The following RFC3 variants were observed in gnomAD, a reference collection of about 807,000 sequenced individuals.
RFC3 encodes the protein A1 38 kDa subunit.
A neutral mutation model predicts 45.1 loss-of-function variants in RFC3; 41 were observed. That is an observed-to-expected ratio of 0.91 (90% CI 0.71 to 1.18). The LOEUF (loss-of-function observed/expected upper bound fraction) is 1.18, where lower values mean the gene tolerates loss of function less well. Ranked by LOEUF, RFC3 falls within the 50% of genes most tolerant of loss-of-function variation. The pLI is 0.00. For missense variants in RFC3, 423 were observed against 428.1 expected (o/e 0.99, Z 0.10); for synonymous variants, 149 against 144.0 (o/e 1.03, Z -0.25).
chr13:33,835,578 C>A, intron 8 of RFC3: 1 of 423,852 alleles, frequency 2.4e-6, no homozygotes, highest in South Asian at 1.9e-5. Context: ...ACAAAGGTAA[C>A]CACTTTTAAC....
intron 8 of RFC3, among the ~76,000 whole-genome samples, chr13:33,954,033 G>A (rs968346880): frequency 3.9e-5 from 6 of 152,146 alleles, no homozygotes; most frequent in African/African-American, 1.4e-4. Flanking sequence ...TTAAAGGAAT[G>A]TCAAGTATGG....
intron 8 of RFC3, among the ~76,000 whole-genome samples, chr13:33,842,990 CT>C (rs2082210580): frequency 6.6e-6 from 1 of 152,126 alleles, no homozygotes; most frequent in African/African-American, 2.4e-5. Context: ...CTGTTTTACA[CT>C]CTGAGATTTA....
At chr13:33,877,271 T>C (rs978793403) in intron 8 of RFC3, among the ~76,000 whole-genome samples, 3 of 152,248 alleles carry the variant, frequency 2.0e-5, no homozygotes, top group African/African-American at 7.2e-5. Flanking sequence ...TTATGCTGTA[T>C]TGACTGTTTC....
At chr13:33,899,142 C>G (rs556377037) in intron 8 of RFC3, among the ~76,000 whole-genome samples, 1 of 128,590 alleles carries the variant, frequency 7.8e-6, no homozygotes, top group African/African-American at 2.9e-5. Context: ...GGAGAAAATA[C>G]TTTAAACTCC....
At chr13:33,844,371 A>G (rs1303594568) in intron 8 of RFC3, among the ~76,000 whole-genome samples, 1 of 152,110 alleles carries the variant, frequency 6.6e-6, no homozygotes, top group East Asian at 1.9e-4. Context: ...CCAATTGTTG[A>G]TTACCTTCCA....
chr13:33,940,104 CCTTA>C lies in RFC3; in HGVS notation c.880-25979_880-25976del, dbSNP rs568083250. 1.6e-4 allele frequency among the ~76,000 whole-genome samples: 24 copies of C among 151,990 alleles called. No individual in the cohort carries two copies. The East Asian group carries it at 4.3e-3, about 27-fold the overall frequency. On this transcript the variant is annotated intron_variant, in intron 8 of 8. Transcript: ENST00000434425. ...CTAATTTATTGTTTTCTTCCTACTG[CCTTA>C]CTTTTTATTATGGGGGAGAGTTAAT...
intron 8 of RFC3, among the ~76,000 whole-genome samples, chr13:33,959,538 C>T (rs2083043078): frequency 7.9e-5 from 12 of 152,172 alleles, no homozygotes; most frequent in Admixed American, 7.9e-4. Flanking sequence ...TCAATCTCCT[C>T]ACTCCCAGTG....
chr13:33,911,834 C>T (rs534052136), intron 8 of RFC3, among the ~76,000 whole-genome samples: 1 of 152,122 alleles, frequency 6.6e-6, no homozygotes, highest in Non-Finnish European at 1.5e-5. Context: ...CCACTAGGAC[C>T]CACCTCCCAA....
chr13:33,874,885 C>T (rs936889931), intron 8 of RFC3, among the ~76,000 whole-genome samples: 1 of 152,194 alleles, frequency 6.6e-6, no homozygotes, highest in Non-Finnish European at 1.5e-5. Context: ...ATTTCTCCTG[C>T]TTTGTGTTAA....
At chr13:33,819,291 G>A (rs2081980203) in intron 1 of RFC3, among the ~76,000 whole-genome samples, 1 of 152,152 alleles carries the variant, frequency 6.6e-6, no homozygotes, top group Non-Finnish European at 1.5e-5. Flanking sequence ...TTGTGAGAAC[G>A]AACTGAATCT....
intron 8 of RFC3, among the ~76,000 whole-genome samples, chr13:33,885,085 A>G (rs937564087): frequency 6.6e-6 from 1 of 152,212 alleles, no homozygotes; most frequent in Non-Finnish European, 1.5e-5. Context: ...CTTTGAGCCT[A>G]TAATGAAAAA....
intron 8 of RFC3, among the ~76,000 whole-genome samples, chr13:33,922,653 T>C (rs535116435): frequency 6.8e-4 from 103 of 152,208 alleles, no homozygotes; most frequent in African/African-American, 2.2e-3. Context: ...TGTTTTTTAG[T>C]TTGTGCTGTT....
At chr13:33,916,075 A>T (rs966518447) in intron 8 of RFC3, among the ~76,000 whole-genome samples, 3 of 152,150 alleles carry the variant, frequency 2.0e-5, no homozygotes, top group African/African-American at 4.8e-5. Context: ...CTGGGATTAT[A>T]GGGGTGAGCC....
intron 8 of RFC3, among the ~76,000 whole-genome samples, chr13:33,861,932 A>C (rs982288573): frequency 2.0e-5 from 3 of 152,222 alleles, no homozygotes; most frequent in African/African-American, 7.2e-5. Flanking sequence ...CTATTCTGGA[A>C]GCTCTAAGAA....
intron 8 of RFC3, among the ~76,000 whole-genome samples, chr13:33,935,683 T>G (rs865946876): frequency 2.6e-5 from 4 of 152,156 alleles, no homozygotes; most frequent in African/African-American, 7.2e-5. Context: ...CCTTGTTTGG[T>G]TTGTTTCTGA....
intron 1 of RFC3, among the ~76,000 whole-genome samples, chr13:33,818,802 A>G (rs1303097836): frequency 6.6e-6 from 1 of 152,190 alleles, no homozygotes; most frequent in Non-Finnish European, 1.5e-5. Context: ...ATTTACAAGT[A>G]AAGTGTTGTA....
At chr13:33,974,721 A>G in the RFC3 span, among the ~76,000 whole-genome samples, 6 of 152,378 alleles carry the variant, frequency 3.9e-5, no homozygotes, top group Non-Finnish European at 7.3e-5. Flanking sequence ...AAAATGAGCA[A>G]AAGTGTAGAC....
At chr13:33,972,019 G>T in the RFC3 span, among the ~76,000 whole-genome samples, 3 of 152,082 alleles carry the variant, frequency 2.0e-5, no homozygotes, top group African/African-American at 7.2e-5. Context: ...GGAGGCTGAG[G>T]CAAGAGAATC....
chr13:33,867,839 C>A (rs1270401504), intron 8 of RFC3, among the ~76,000 whole-genome samples: 1 of 152,222 alleles, frequency 6.6e-6, no homozygotes, highest in African/African-American at 2.4e-5. Flanking sequence ...TCCTTCTTTA[C>A]CACGTTATGT....
Sources: gnomAD v4.1 joint callset for allele counts (sites outside exome capture counted in the v4.1 genomes callset) on GRCh38, gnomAD v4.1.1 for gene constraint, MANE v1.5 for transcripts, NCBI Gene and HGNC (gene_info 2026-07-23, HGNC 2026-07-21) for gene names.